PKNOX2: variants seen among roughly 807,000 people sequenced by gnomAD.
PKNOX2 encodes the protein PBX/knotted 1 homeobox 2, also known as homeobox protein PKNOX2.
PKNOX2 carries 14 observed loss-of-function variants against 53.1 expected under a neutral mutation model. The observed-to-expected ratio is 0.26, with a 90% confidence interval of 0.17 to 0.41. The LOEUF is 0.41. Ranked by LOEUF, PKNOX2 falls within the 10% of genes least tolerant of loss-of-function variation. The pLI, the probability that PKNOX2 is intolerant of heterozygous loss-of-function variation, is 1.00. For synonymous variants in PKNOX2, 257 were observed against 242.8 expected (o/e 1.06, Z -0.54); for missense variants, 496 against 602.8 (o/e 0.82, Z 1.85).
intron 2 of PKNOX2, among the ~76,000 whole-genome samples, chr11:125,265,053 C>A (rs1223030564): frequency 6.6e-6 from 1 of 152,060 alleles, no homozygotes. Context: ...CTCTGGGAGG[C>A]GAAGGCGGGC....
chr11:125,337,235 G>A (rs911749046), intron 3 of PKNOX2, among the ~76,000 whole-genome samples: 10 of 152,190 alleles, frequency 6.6e-5, no homozygotes, highest in Non-Finnish European at 8.8e-5. Context: ...TCGTTACAAC[G>A]TGGCTGCTGT....
chr11:125,284,401 C>T (rs914057426), intron 2 of PKNOX2, among the ~76,000 whole-genome samples: 3 of 152,190 alleles, frequency 2.0e-5, no homozygotes, highest in African/African-American at 4.8e-5. Context: ...GCCTTTACTC[C>T]ACAACAACAA....
chr11:125,263,760 C>A (rs1018793692), intron 2 of PKNOX2, among the ~76,000 whole-genome samples: 2 of 152,248 alleles, frequency 1.3e-5, no homozygotes, highest in South Asian at 2.1e-4. Flanking sequence ...TCCCTGGCCT[C>A]TCTCTGTGCC....
intron 1 of PKNOX2, among the ~76,000 whole-genome samples, chr11:125,198,667 G>T (rs1160392916): frequency 2.0e-5 from 3 of 151,960 alleles, no homozygotes; most frequent in Non-Finnish European, 4.4e-5. Flanking sequence ...AAGACAATCG[G>T]TGGTCCCAAC....
chr11:125,176,908 G>A (rs1955751193), intron 1 of PKNOX2, among the ~76,000 whole-genome samples: 1 of 152,198 alleles, frequency 6.6e-6, no homozygotes, highest in Non-Finnish European at 1.5e-5. Flanking sequence ...TATGCTCCTT[G>A]AGGACAGGTT....
intron 5 of PKNOX2, among the ~76,000 whole-genome samples, chr11:125,374,447 C>CA (rs2135283189): frequency 6.6e-6 from 1 of 152,276 alleles, no homozygotes; most frequent in South Asian, 2.1e-4. Flanking sequence ...TGACTATAGT[C>CA]AGGGGGGTGA....
intron 10 of PKNOX2, among the ~76,000 whole-genome samples, chr11:125,426,437 C>A (rs1301850492): frequency 6.6e-6 from 1 of 152,228 alleles, no homozygotes; most frequent in Non-Finnish European, 1.5e-5. Flanking sequence ...CACTTGCCAG[C>A]ACCCAGGATG....
chr11:125,327,173 A>G (rs1416785035), intron 2 of PKNOX2, among the ~76,000 whole-genome samples: 1 of 152,194 alleles, frequency 6.6e-6, no homozygotes, highest in Non-Finnish European at 1.5e-5. Context: ...CAGATTCCAG[A>G]GGCTCGGTCT....
At chr11:125,339,596 G>A (rs940798476) in intron 3 of PKNOX2, among the ~76,000 whole-genome samples, 6 of 152,166 alleles carry the variant, frequency 3.9e-5, no homozygotes, top group African/African-American at 1.4e-4. Flanking sequence ...CAGGCTGACT[G>A]CATGCCCCCT....
chr11:125,201,159 G>A (rs537105412), intron 1 of PKNOX2, among the ~76,000 whole-genome samples: 1 of 152,236 alleles, frequency 6.6e-6, no homozygotes, highest in Non-Finnish European at 1.5e-5. Context: ...CTTAGGCTGG[G>A]GCTGAACCCA....
chr11:125,166,463 C>A lies in PKNOX2; in HGVS notation c.-201+1687C>A, dbSNP rs543328176. On this transcript the variant is annotated intron_variant, in intron 1 of 12. Transcript: ENST00000298282. This position sits in a 1 kb window ranked among gnomAD's most constrained non-coding sequence, Gnocchi z 4.0. The stretch of plus-strand genomic sequence containing the variant: ...GAAGCGGACAGATCGAAGAGACCTT[C>A]TGGGCGAAGCGGCAGGGCAGCCTCG... Among the ~76,000 whole-genome samples, 4 of 152,328 alleles carry A rather than the reference C, an allele frequency of 2.6e-5. No individual in the cohort carries two copies. The South Asian group carries it at 8.3e-4, about 32-fold the overall frequency.
At chr11:125,167,043 CG>C (rs1954929585) in intron 1 of PKNOX2, among the ~76,000 whole-genome samples, 1 of 152,020 alleles carries the variant, frequency 6.6e-6, no homozygotes, top group African/African-American at 2.4e-5. Context: ...TTGGTGGAAG[CG>C]GGGAGGGAGG....
At chr11:125,411,673 G>C in intron 9 of PKNOX2, 73 bp from the exon 10 acceptor site, 1 of 1,610,080 alleles carries the variant, frequency 6.2e-7, no homozygotes, top group South Asian at 1.1e-5. Flanking sequence ...GCCTGCCGTC[G>C]CTATGGCAAC....
chr11:125,391,259 G>T (rs991154525), intron 6 of PKNOX2, among the ~76,000 whole-genome samples: 1 of 152,208 alleles, frequency 6.6e-6, no homozygotes, highest in African/African-American at 2.4e-5. Context: ...CTGTGTCCCT[G>T]TGGTGACGAG....
At chr11:125,340,992 G>T (rs1245280669) in intron 3 of PKNOX2, among the ~76,000 whole-genome samples, 1 of 146,564 alleles carries the variant, frequency 6.8e-6, no homozygotes, top group African/African-American at 2.6e-5. Flanking sequence ...AGAGGTTGCA[G>T]TGAGCCAAGA....
In PKNOX2 at chr11:125,432,498, C is replaced by T. The variant is rs901509936; in HGVS notation, c.*1106C>T. The T allele has an allele frequency of 6.5e-6, 1 of 152,722 alleles. No homozygotes were observed. The highest frequency in any genetic ancestry group is 1.5e-5 in the Non-Finnish European group (1 of 68,092). 9.5% of individuals were successfully genotyped at this position (152,722 alleles called of 1,614,324 possible). On this transcript the variant is annotated 3_prime_UTR_variant, in exon 13 of 13. Transcript: ENST00000298282. Reference sequence around the variant, plus strand: ...GGGTTGGAGAAGGTGCTACATCCCTCTTCCCATCAATATCCTAAATGTGGG... The same window carrying T: ...GGGTTGGAGAAGGTGCTACATCCCTTTTCCCATCAATATCCTAAATGTGGG...
intron 2 of PKNOX2, among the ~76,000 whole-genome samples, chr11:125,244,248 G>A (rs1223247202): frequency 6.6e-6 from 1 of 152,244 alleles, no homozygotes; most frequent in Non-Finnish European, 1.5e-5. Context: ...AGGGTCTGGG[G>A]ACCCCAGTCC....
intron 1 of PKNOX2, among the ~76,000 whole-genome samples, chr11:125,224,320 C>T (rs1025101850): frequency 6.6e-6 from 1 of 152,224 alleles, no homozygotes; most frequent in Non-Finnish European, 1.5e-5. Context: ...AGAGATTGTT[C>T]AGGGTAGTTA....
chr11:125,194,308 T>TA (rs1488313121), intron 1 of PKNOX2, among the ~76,000 whole-genome samples: 1 of 152,170 alleles, frequency 6.6e-6, no homozygotes, highest in African/African-American at 2.4e-5. Flanking sequence ...ATTGCGGCCT[T>TA]TCTTGAGAGC....
Sources: allele counts gnomAD v4.1 joint callset (sites outside exome capture counted in the v4.1 genomes callset), GRCh38; gene constraint gnomAD v4.1.1; non-coding constraint Gnocchi (gnomAD v3.1); transcripts MANE v1.5; gene names NCBI Gene and HGNC (gene_info 2026-07-23, HGNC 2026-07-21).